DYRK2: variants seen among roughly 807,000 people sequenced by gnomAD.
The protein encoded by DYRK2 is dual specificity tyrosine phosphorylation regulated kinase 2, also known as dual specificity tyrosine-phosphorylation-regulated kinase 2.
Under a neutral mutation model 41.6 loss-of-function variants are expected in DYRK2, and 12 were observed. The ratio of observed to expected loss-of-function variants is 0.29; its 90% CI spans 0.18 to 0.47. DYRK2 has a LOEUF of 0.47. Among genes scored for constraint, DYRK2 ranks in the 20% least tolerant of loss-of-function variants. DYRK2 has a pLI of 1.00. For synonymous variants in DYRK2, 322 were observed against 315.7 expected (o/e 1.02, Z -0.21); for missense variants, 678 against 798.4 (o/e 0.85, Z 1.82).
rs555282889 is a variant in DYRK2, at chr12:67,650,305, C to T, written c.198+360C>T. On this transcript the variant is annotated intron_variant, in intron 2 of 2. Coordinates refer to ENST00000344096, the MANE Select transcript of DYRK2 (RefSeq NM_006482.3). Reference sequence around the variant, plus strand: ...GTAAACATCTCTGTCCTTCCCCCACCTCCCCGTGGGTAGTGGGTATTTATA... The same window carrying T: ...GTAAACATCTCTGTCCTTCCCCCACTTCCCCGTGGGTAGTGGGTATTTATA... Among the ~76,000 whole-genome samples, 49 of 152,350 alleles carry T rather than the reference C, an allele frequency of 3.2e-4. 1 individual carries two copies. The highest frequency in any genetic ancestry group is 6.8e-3 in the Middle Eastern group (2 of 294).
Position 67,658,717 on chromosome 12 carries a change from C to A in DYRK2, c.*4C>A, listed in dbSNP as rs1872552020. On this transcript the variant is annotated 3_prime_UTR_variant, in exon 3 of 3. Coordinates refer to ENST00000344096, the MANE Select transcript of DYRK2 (RefSeq NM_006482.3). This position sits in a 1 kb window ranked among gnomAD's most constrained non-coding sequence, Gnocchi z 4.3. ...GTTGCCAAAACTTGTTAGCTGAGCT[C>A]ACGTCCCCTGATGCTGGTAACCTGA... is the stretch of plus-strand genomic sequence containing the variant. 6.3e-7 allele frequency: 1 copy of A among 1,592,636 alleles called. No homozygotes were observed. Among genetic ancestry groups the A allele is most frequent in the African/African-American group, 1.3e-5 (1 of 74,422 alleles).
At position 67,659,916 on chromosome 12, in the gene DYRK2, G is replaced by A. The variant is rs1262932413; in HGVS notation, c.*1203G>A. On this transcript the variant is annotated 3_prime_UTR_variant, in exon 3 of 3. Coordinates refer to ENST00000344096, the MANE Select transcript of DYRK2 (RefSeq NM_006482.3). ...AGTTAAATGGTTTGACTTATTCTTCGTATCATTAGAAGAACCCCAGAGATA... is the reference window on the plus strand; with the variant it reads ...AGTTAAATGGTTTGACTTATTCTTCATATCATTAGAAGAACCCCAGAGATA... 6.0e-6 allele frequency: 1 copy of A among 166,996 alleles called. No individual in the cohort carries two copies. Among genetic ancestry groups the A allele is most frequent in the Non-Finnish European group, 1.5e-5 (1 of 68,102 alleles). The allele number at this position is 166,996 out of a possible 1,614,324, so 10.3% of individuals were successfully genotyped here.
chr12:67,657,404 AACTC>A lies in DYRK2; in HGVS notation c.500_503del (p.Leu167GlnfsTer19). The A allele has an allele frequency of 1.2e-6, 2 of 1,614,180 alleles. No individual in the cohort carries two copies. The highest frequency in any genetic ancestry group is 8.5e-7 in the Non-Finnish European group (1 of 1,180,034). On this transcript the variant is annotated frameshift_variant, in exon 3 of 3. Coordinates refer to ENST00000344096, the MANE Select transcript of DYRK2 (RefSeq NM_006482.3). LOFTEE classifies it high-confidence loss of function. This position sits in a 1 kb window ranked among gnomAD's most constrained non-coding sequence, Gnocchi z 4.8. ...CAAGCAATGAAGCAATACATGCAAA[AACTC>A]ACAGCCTTCGAACACCATGAGATTT...
In DYRK2 at chr12:67,662,627, G is replaced by A. The variant is rs746326438; in HGVS notation, c.*3914G>A. The A allele has an allele frequency of 6.0e-6, 1 of 166,652 alleles. No homozygotes were observed. Among genetic ancestry groups the A allele is most frequent in the Non-Finnish European group, 1.5e-5 (1 of 68,066 alleles). 10.3% of individuals were successfully genotyped at this position (166,652 alleles called of 1,614,324 possible). ...CTGTTAAATTTTATTGTTGTGGCCA[G>A]AGATAATTTCAGAATAAAATTTTAA... On this transcript the variant is annotated 3_prime_UTR_variant, in exon 3 of 3. Transcript: ENST00000344096.
intron 2 of DYRK2, among the ~76,000 whole-genome samples, chr12:67,655,838 A>G (rs1444649143): frequency 2.6e-5 from 4 of 152,350 alleles, no homozygotes; most frequent in African/African-American, 9.6e-5. Context: ...ACATATACAG[A>G]GCCCTTCTGC....
chr12:67,658,698 A>G lies in DYRK2; in HGVS notation c.1791A>G (p.Pro597=), dbSNP rs1872551194. 6.2e-7 allele frequency: 1 copy of G among 1,606,628 alleles called. No individual in the cohort carries two copies. Among genetic ancestry groups the G allele is most frequent in the Admixed American group, 1.7e-5 (1 of 59,008 alleles). The stretch of plus-strand genomic sequence containing the variant: ...ATATTCAGCAGAGGACAGTGTTGCC[A>G]AAACTTGTTAGCTGAGCTCACGTCC... ...NGNIQQRTVL[P]KLVS Residue 597 remains proline, a synonymous_variant, in exon 3 of 3, where the codon CCA becomes CCG. Coordinates refer to ENST00000344096, the MANE Select transcript of DYRK2 (RefSeq NM_006482.3). The surrounding 1 kb of genome is among the most constrained non-coding windows in gnomAD (Gnocchi z 4.3).
At chr12:67,652,249 TGA>T (rs927837218) in intron 2 of DYRK2, among the ~76,000 whole-genome samples, 2 of 152,082 alleles carry the variant, frequency 1.3e-5, no homozygotes, top group African/African-American at 4.8e-5. Flanking sequence ...TCTGTTTGTG[TGA>T]GAGAGAGAAG....
chr12:67,649,611 G>C (rs919124444), intron 1 of DYRK2, 186 bp from the exon 2 acceptor site: 21 of 679,222 alleles, frequency 3.1e-5, no homozygotes, highest in Non-Finnish European at 4.3e-5. Context: ...CTTTGCAGCT[G>C]CCCGCGCCCC....
rs1036201941 is a variant in DYRK2, at chr12:67,657,544, G to T, written c.637G>T (p.Val213Leu). The change falls in exon 3 of 3, where the codon GTG (valine) becomes TTG (leucine). Residue 213 changes from valine to leucine, a missense_variant. Physicochemically the swap from Val to Leu is conservative, Grantham distance 32 (BLOSUM62 1). Around this residue, in one of 2 missense-constraint regions of DYRK2, gnomAD observed 393 missense variants for 519.1 expected, o/e 0.76. Coordinates refer to ENST00000344096, the MANE Select transcript of DYRK2 (RefSeq NM_006482.3). The surrounding 1 kb of genome is among the most constrained non-coding windows in gnomAD (Gnocchi z 4.8). ...YDDDQGSYVQ[V>L]PHDHVAYRYE... is the part of the protein sequence containing the mutation. ...TGATGACCAGGGATCATATGTGCAG[G>T]TGCCCCACGATCACGTGGCTTACAG... is the stretch of plus-strand genomic sequence containing the variant. 6.2e-7 allele frequency: 1 copy of T among 1,613,920 alleles called. No homozygotes were observed. Among genetic ancestry groups the T allele is most frequent in the Non-Finnish European group, 8.5e-7 (1 of 1,179,992 alleles).
In DYRK2 at chr12:67,660,593, T is replaced by C. The variant is rs1872596364; in HGVS notation, c.*1880T>C. The C allele has an allele frequency of 1.2e-5, 2 of 167,030 alleles. No individual in the cohort carries two copies. The highest frequency in any genetic ancestry group is 4.1e-4 in the South Asian group (2 of 4,828). 10.3% of individuals were successfully genotyped at this position (167,030 alleles called of 1,614,324 possible). Reference sequence around the variant, plus strand: ...CTTAGTCAAATTTTTTAGCATATTATACACATTTCTGTGTAATCTGTGGAA... The same window carrying C: ...CTTAGTCAAATTTTTTAGCATATTACACACATTTCTGTGTAATCTGTGGAA... On this transcript the variant is annotated 3_prime_UTR_variant, in exon 3 of 3. Coordinates refer to ENST00000344096, the MANE Select transcript of DYRK2 (RefSeq NM_006482.3).
Position 67,661,373 on chromosome 12 carries a change from C to G in DYRK2, c.*2660C>G, listed in dbSNP as rs1284930977. The G allele has an allele frequency of 6.0e-6, 1 of 167,040 alleles. No homozygotes were observed. Among genetic ancestry groups the G allele is most frequent in the Admixed American group, 6.6e-5 (1 of 15,266 alleles). The allele number at this position is 167,040 out of a possible 1,614,324, so 10.3% of individuals were successfully genotyped here. On this transcript the variant is annotated 3_prime_UTR_variant, in exon 3 of 3. Coordinates refer to ENST00000344096, the MANE Select transcript of DYRK2 (RefSeq NM_006482.3). ...AGATCTAGGAATAGCACAGTGTTGT[C>G]TTGTCTTTGGCAGTCTCATTTGGCT...
chr12:67,659,062 GGT>G lies in DYRK2; in HGVS notation c.*350_*351del. The G allele has an allele frequency of 5.1e-6, 1 of 197,686 alleles. No homozygotes were observed. Among genetic ancestry groups the G allele is most frequent in the Non-Finnish European group, 1.1e-5 (1 of 89,118 alleles). The allele number at this position is 197,686 out of a possible 1,614,324, so 12.2% of individuals were successfully genotyped here. ...TCAAAGACATTCACTATGTTTTTATGGTTCATGTTATATCCTCCCCAGGGTGA... is the reference window on the plus strand; with the variant it reads ...TCAAAGACATTCACTATGTTTTTATGTCATGTTATATCCTCCCCAGGGTGA... On this transcript the variant is annotated 3_prime_UTR_variant, in exon 3 of 3. Coordinates refer to ENST00000344096, the MANE Select transcript of DYRK2 (RefSeq NM_006482.3).
intron 2 of DYRK2, among the ~76,000 whole-genome samples, chr12:67,655,801 C>T (rs1164686058): frequency 8.5e-5 from 13 of 152,126 alleles, no homozygotes; most frequent in Admixed American, 8.5e-4. Context: ...CCAGGTGTTC[C>T]CAAATCATGT....
rs1455985096 is a variant in DYRK2 at position 67,662,703 on chromosome 12, T to G, written c.*3990T>G. 6.1e-6 allele frequency: 1 copy of G among 163,858 alleles called. No individual in the cohort carries two copies. Among genetic ancestry groups the G allele is most frequent in the African/African-American group, 2.4e-5 (1 of 41,456 alleles). The allele number at this position is 163,858 out of a possible 1,614,324, so 10.2% of individuals were successfully genotyped here. ...TCTAACTATAATTTAACTCCTGATC[T>G]ATTTCTGGTATTATCCTTTGTCAAT... On this transcript the variant is annotated 3_prime_UTR_variant, in exon 3 of 3. Coordinates refer to ENST00000344096, the MANE Select transcript of DYRK2 (RefSeq NM_006482.3).
At chr12:67,650,882 T>A (rs1051676178) in intron 2 of DYRK2, among the ~76,000 whole-genome samples, 6 of 152,010 alleles carry the variant, frequency 3.9e-5, no homozygotes, top group African/African-American at 1.2e-4. Flanking sequence ...TTGCTAGGGA[T>A]TGGTTTTATT....
At chr12:67,654,698 C>A (rs182770732) in intron 2 of DYRK2, among the ~76,000 whole-genome samples, 1 of 152,146 alleles carries the variant, frequency 6.6e-6, no homozygotes, top group East Asian at 1.9e-4. Flanking sequence ...GGGAAGCCTT[C>A]TTTTTATCAA....
Position 67,657,247 on chromosome 12 carries a change from G to C in DYRK2, c.340G>C (p.Val114Leu). The C allele has an allele frequency of 3.1e-6, 5 of 1,614,132 alleles. No individual in the cohort carries two copies. Among genetic ancestry groups the C allele is most frequent in the Non-Finnish European group, 4.2e-6 (5 of 1,180,026 alleles). ...GACACAACCAAATGGGCTTACAACA[G>C]TGGGCAAAACGGGCTTGCCAGTGGT... ...LTTQPNGLTT[V>L]GKTGLPVVPE... The change falls in exon 3 of 3, where the codon GTG (valine) becomes CTG (leucine). Residue 114 changes from valine to leucine, a missense_variant. Physicochemically the swap from Val to Leu is conservative, Grantham distance 32. This residue lies in a region of DYRK2 where 285 missense variants were observed against 279.2 expected (regional missense o/e 1.02). Coordinates refer to ENST00000344096, the MANE Select transcript of DYRK2 (RefSeq NM_006482.3). This position sits in a 1 kb window ranked among gnomAD's most constrained non-coding sequence, Gnocchi z 4.8.
At chr12:67,650,410 C>G (rs922767595) in intron 2 of DYRK2, among the ~76,000 whole-genome samples, 5 of 152,246 alleles carry the variant, frequency 3.3e-5, no homozygotes, top group Non-Finnish European at 7.3e-5. Flanking sequence ...AGGCCTGGCT[C>G]CAGCCAGCAG....
At position 67,657,831 on chromosome 12, in the gene DYRK2, C is replaced by CT; in HGVS notation, c.925dup (p.Tyr309LeufsTer2). ...CGTTTGAGCTGCTGAGCATGAACCT[C>CT]TATGAGCTCATCAAGAAGAATAAAT... is the stretch of plus-strand genomic sequence containing the variant. On this transcript the variant is annotated frameshift_variant, in exon 3 of 3. Coordinates refer to ENST00000344096, the MANE Select transcript of DYRK2 (RefSeq NM_006482.3). LOFTEE classifies it high-confidence loss of function. The surrounding 1 kb of genome is among the most constrained non-coding windows in gnomAD (Gnocchi z 4.8). The CT allele has an allele frequency of 1.2e-6, 2 of 1,614,244 alleles. No individual in the cohort carries two copies. Among genetic ancestry groups the CT allele is most frequent in the Non-Finnish European group, 1.7e-6 (2 of 1,180,048 alleles).
Sources: gnomAD v4.1 joint callset for allele counts (sites outside exome capture counted in the v4.1 genomes callset) on GRCh38, gnomAD v4.1.1 for gene constraint, gnomAD v4.1.1 regional missense constraint, Gnocchi (gnomAD v3.1) non-coding constraint, MANE v1.5 for transcripts, NCBI Gene and HGNC (gene_info 2026-07-23, HGNC 2026-07-21) for gene names.